WDR49: variants seen among roughly 807,000 people sequenced by gnomAD.
WDR49 encodes cilia- and flagella-associated protein 337.
In WDR49, 107 loss-of-function variants were observed where a neutral mutation model predicts 119.5. The ratio of observed to expected loss-of-function variants is 0.90; its 90% confidence interval spans 0.77 to 1.05. The LOEUF is 1.05. WDR49 is among the 50% of genes least tolerant of loss of function. The pLI is 0.00. For missense variants in WDR49, 1,240 were observed against 1,220.5 expected (o/e 1.02, Z -0.24); for synonymous variants, 425 against 418.8 (o/e 1.01, Z -0.18).
At chr3:167,561,862 A>G (rs6774632) in intron 8 of WDR49, among the ~76,000 whole-genome samples, 50,043 of 152,006 alleles carry the variant, frequency 0.33, 8,526 homozygotes, top group African/African-American at 0.39. Flanking sequence ...CAGCCACATC[A>G]TAAGGTCTTC....
rs778938192 is a variant in WDR49 at position 167,602,200 on chromosome 3, C to T, written c.1202G>A (p.Gly401Asp). The T allele has an allele frequency of 1.2e-6, 2 of 1,606,710 alleles. No homozygotes were observed. Among genetic ancestry groups the T allele is most frequent in the Non-Finnish European group, 8.5e-7 (1 of 1,174,766 alleles). The change falls in exon 7 of 19, where the codon GGC becomes GAC. Residue 401 changes from glycine to aspartate, a missense_variant. Gly to Asp is a moderately conservative substitution (Grantham distance 94). Coordinates refer to ENST00000682715, the MANE Select transcript of WDR49 (RefSeq NM_001366157.1). The part of the protein sequence containing the change: ...VVSKPVGVLW[G>D]HSASVIAVQF... ...GACGGCTATTACACTGGCTGAGTGG[C>T]CCCAAAGGACACCCACTGGTTTAGA...
In WDR49 at chr3:167,484,448, A is replaced by AAT. The variant is rs905704703; in HGVS notation, c.3032-5454_3032-5453dup. Among the ~76,000 whole-genome samples the AAT allele has an allele frequency of 5.9e-5, 9 of 151,908 alleles. No homozygotes were observed. The South Asian group carries it at 8.3e-4, about 14-fold the overall frequency. ...TACCCTAGAACTTAAAGTATAATAAAATATATATATATGTATAAGTGAAGA... is the reference window on the plus strand; with the variant it reads ...TACCCTAGAACTTAAAGTATAATAAAATATATATATATATGTATAAGTGAAGA... On this transcript the variant is annotated intron_variant, in intron 18 of 18. Coordinates refer to ENST00000682715, the MANE Select transcript of WDR49 (RefSeq NM_001366157.1).
chr3:167,548,091 T>C (rs1227254870), intron 10 of WDR49, among the ~76,000 whole-genome samples: 1 of 152,058 alleles, frequency 6.6e-6, no homozygotes, highest in Non-Finnish European at 1.5e-5. Flanking sequence ...ATAAAACAAC[T>C]TACAGACTTA....
intron 3 of WDR49, among the ~76,000 whole-genome samples, chr3:167,624,097 G>A (rs139999062): frequency 3.3e-4 from 50 of 151,988 alleles, no homozygotes; most frequent in African/African-American, 1.2e-3. Flanking sequence ...TACAAAAGAA[G>A]ATGTACAGGT....
chr3:167,484,526 TC>T (rs1455885692), intron 18 of WDR49, among the ~76,000 whole-genome samples: 1 of 152,066 alleles, frequency 6.6e-6, no homozygotes, highest in Non-Finnish European at 1.5e-5. Flanking sequence ...GATCTTTTCT[TC>T]TTGAGTTAGT....
intron 7 of WDR49, among the ~76,000 whole-genome samples, chr3:167,578,843 A>C (rs974140339): frequency 6.6e-6 from 1 of 152,122 alleles, no homozygotes; most frequent in Non-Finnish European, 1.5e-5. Context: ...TCTATATATT[A>C]TTCCCAGGAA....
intron 13 of WDR49, among the ~76,000 whole-genome samples, chr3:167,530,247 CAAT>C (rs1560270759): frequency 6.6e-6 from 1 of 151,874 alleles, no homozygotes; most frequent in Non-Finnish European, 1.5e-5. Context: ...ATATGGGAAA[CAAT>C]AAACATAATT....
At chr3:167,641,687 T>G (rs1322773071) in intron 2 of WDR49, among the ~76,000 whole-genome samples, 3 of 151,972 alleles carry the variant, frequency 2.0e-5, no homozygotes, top group African/African-American at 7.2e-5. Flanking sequence ...AAAATAATCT[T>G]TTTTCCTCTT....
upstream of WDR49, chr3:167,654,126 C>G (rs1372824084): frequency 6.6e-6 from 1 of 152,106 alleles, no homozygotes; most frequent in Non-Finnish European, 1.5e-5. Context: ...GTTCATTCCA[C>G]TCATTTTTTA....
chr3:167,559,937 T>C lies in WDR49; in HGVS notation c.1674+127A>G, dbSNP rs973632804. On this transcript the variant is annotated intron_variant, in intron 9 of 18. Coordinates refer to ENST00000682715, the MANE Select transcript of WDR49 (RefSeq NM_001366157.1). ...TAGATGGTTGGAGTTATTTCACTCT[T>C]ACCATGTCTCATTTCTCTTCTTGCA... is the stretch of plus-strand genomic sequence containing the variant. The C allele has an allele frequency of 9.5e-5, 91 of 962,894 alleles. 1 individual carries two copies. Among genetic ancestry groups the C allele is most frequent in the Non-Finnish European group, 1.3e-4 (85 of 667,902 alleles). The allele number at this position is 962,894 out of a possible 1,614,324, so 59.6% of individuals were successfully genotyped here.
intron 2 of WDR49, among the ~76,000 whole-genome samples, chr3:167,635,445 A>C (rs1717568339): frequency 6.6e-6 from 1 of 151,742 alleles, no homozygotes; most frequent in Non-Finnish European, 1.5e-5. Context: ...ATATTTCTAA[A>C]GCAGACATTT....
At chr3:167,597,449 T>A (rs781609427) in intron 7 of WDR49, among the ~76,000 whole-genome samples, 3 of 152,012 alleles carry the variant, frequency 2.0e-5, no homozygotes, top group African/African-American at 7.2e-5. Flanking sequence ...AGGGGAAATG[T>A]GGGGTTAGAG....
chr3:167,553,995 G>A (rs933831296), intron 10 of WDR49, among the ~76,000 whole-genome samples: 3 of 151,998 alleles, frequency 2.0e-5, no homozygotes, highest in African/African-American at 4.8e-5. Context: ...AACGTTGGAC[G>A]ACTACCTATT....
intron 16 of WDR49, among the ~76,000 whole-genome samples, chr3:167,520,357 A>T (rs1224751568): frequency 6.6e-6 from 1 of 152,162 alleles, no homozygotes; most frequent in Non-Finnish European, 1.5e-5. Context: ...TCACTCTGCT[A>T]TGCATGTGAT....
In WDR49 at chr3:167,527,852, C is replaced by T; in HGVS notation, c.2572G>A (p.Val858Ile). The T allele has an allele frequency of 1.2e-6, 2 of 1,612,968 alleles. No individual in the cohort carries two copies. Among genetic ancestry groups the T allele is most frequent in the South Asian group, 1.1e-5 (1 of 91,024 alleles). ...AAGATCCAAACAGGAGCATTGCAGA[C>T]ACCAGTCACACAAATACTGCAGTCT... is the stretch of plus-strand genomic sequence containing the variant. Reference protein sequence around the residue: ...SADCSICVTGVCNAPVWIFGQ... With the variant: ...SADCSICVTGICNAPVWIFGQ... The change falls in exon 15 of 19, where the codon GTC becomes ATC. Residue 858 changes from valine to isoleucine, a missense_variant. Physicochemically the swap from Val to Ile is conservative, Grantham distance 29 (BLOSUM62 3). Coordinates refer to ENST00000682715, the MANE Select transcript of WDR49 (RefSeq NM_001366157.1).
chr3:167,617,735 T>C (rs1716669566), intron 5 of WDR49, among the ~76,000 whole-genome samples: 1 of 152,094 alleles, frequency 6.6e-6, no homozygotes, highest in Non-Finnish European at 1.5e-5. Context: ...TTATAAGACG[T>C]CCTAAGATGG....
rs892423486 is a variant in WDR49 at position 167,532,983 on chromosome 3, C to A, written c.1955-6G>T. The A allele has an allele frequency of 4.4e-6, 7 of 1,575,112 alleles. No individual in the cohort carries two copies. Among genetic ancestry groups the A allele is most frequent in the Middle Eastern group, 3.4e-4 (2 of 5,924 alleles). The stretch of plus-strand genomic sequence containing the variant: ...AATTTCTCCATCATAACTCCCTACA[C>A]AAGACAGGATGGAGAATATAAATTG... On this transcript the variant is annotated splice_region_variant and splice_polypyrimidine_tract_variant and intron_variant, in intron 11 of 18. Coordinates refer to ENST00000682715, the MANE Select transcript of WDR49 (RefSeq NM_001366157.1).
chr3:167,495,803 T>G (rs904924329), intron 18 of WDR49, among the ~76,000 whole-genome samples: 3 of 129,164 alleles, frequency 2.3e-5, no homozygotes, highest in African/African-American at 5.9e-5. Flanking sequence ...GCAGCCAGAA[T>G]AAGATGCATC....
At chr3:167,629,605 G>A (rs968600100) in intron 2 of WDR49, among the ~76,000 whole-genome samples, 1 of 152,080 alleles carries the variant, frequency 6.6e-6, no homozygotes, top group Admixed American at 6.6e-5. Context: ...TCCTCTGGTG[G>A]ATGTGAGCAA....
Sources: gnomAD v4.1 joint callset for allele counts (sites outside exome capture counted in the v4.1 genomes callset) on GRCh38, gnomAD v4.1.1 for gene constraint, MANE v1.5 for transcripts, NCBI Gene and HGNC (gene_info 2026-07-23, HGNC 2026-07-21) for gene names.